The following CSMD1 variants were observed in gnomAD, a reference collection of about 807,000 sequenced individuals.
CSMD1 encodes CUB and sushi domain-containing protein 1.
In CSMD1, 213 loss-of-function variants were observed where a neutral mutation model predicts 417.5. The ratio of observed to expected loss-of-function variants is 0.51; its 90% confidence interval spans 0.46 to 0.57. CSMD1 has a LOEUF of 0.57. Ranked by LOEUF, CSMD1 falls within the 20% of genes least tolerant of loss-of-function variation. The probability of loss-of-function intolerance (pLI) is 0.00; values close to 1 mark genes in which losing one functional copy is unlikely to be tolerated. For missense variants in CSMD1, 6,923 were observed against 4,529.7 expected, an observed-to-expected ratio of 1.53 and a Z score of -15.17; for synonymous variants, 2,862 against 1,736.8, an observed-to-expected ratio of 1.65 and a Z score of -16.11.
chr8:3,846,847 G>C (rs1382699954), intron 5 of CSMD1, among the ~76,000 whole-genome samples: 2 of 151,970 alleles, frequency 1.3e-5, no homozygotes, highest in East Asian at 1.9e-4. Flanking sequence ...CTAATTTTTT[G>C]TATATTTAGT....
At chr8:3,673,918 G>A (rs1345733708) in intron 7 of CSMD1, among the ~76,000 whole-genome samples, 3 of 152,094 alleles carry the variant, frequency 2.0e-5, no homozygotes, top group Admixed American at 6.6e-5. Context: ...AGCAGTTTCA[G>A]ACGAGCCTGG....
At chr8:3,240,065 C>A (rs368997475) in intron 26 of CSMD1, among the ~76,000 whole-genome samples, 3 of 152,092 alleles carry the variant, frequency 2.0e-5, no homozygotes, top group East Asian at 3.9e-4. Context: ...TTAAGGGCCT[C>A]TAAAAGGATT....
chr8:3,903,442 A>T (rs1289110250), intron 5 of CSMD1, among the ~76,000 whole-genome samples: 1 of 152,170 alleles, frequency 6.6e-6, no homozygotes, highest in African/African-American at 2.4e-5. Flanking sequence ...TAACATACAC[A>T]TTATGTAAAA....
intron 41 of CSMD1, among the ~76,000 whole-genome samples, chr8:3,130,387 C>T (rs1817731709): frequency 6.6e-6 from 1 of 152,020 alleles, no homozygotes; most frequent in Non-Finnish European, 1.5e-5. Context: ...AGCCTCCCGC[C>T]CCCAATTCCT....
At chr8:3,932,702 T>C (rs1810236510) in intron 5 of CSMD1, among the ~76,000 whole-genome samples, 1 of 150,640 alleles carries the variant, frequency 6.6e-6, no homozygotes, top group Non-Finnish European at 1.5e-5. Context: ...TAATTCATTG[T>C]GGTGGACTCT....
At chr8:4,221,330 C>A (rs531192866) in intron 3 of CSMD1, among the ~76,000 whole-genome samples, 2 of 145,606 alleles carry the variant, frequency 1.4e-5, no homozygotes, top group South Asian at 2.3e-4. Context: ...TTCTTGCTCA[C>A]AAAATGTTTC....
intron 6 of CSMD1, among the ~76,000 whole-genome samples, chr8:3,729,993 T>G (rs898331756): frequency 1.5e-5 from 2 of 129,720 alleles, no homozygotes. Flanking sequence ...ATAATAATGT[T>G]TCAAAAAGTT....
intron 1 of CSMD1, among the ~76,000 whole-genome samples, chr8:4,911,487 A>G (rs1361893455): frequency 6.6e-6 from 1 of 152,112 alleles, no homozygotes; most frequent in African/African-American, 2.4e-5. Flanking sequence ...GTGTGGGTCT[A>G]TACCTCAATG....
intron 12 of CSMD1, among the ~76,000 whole-genome samples, chr8:3,456,379 C>T (rs1236247599): frequency 6.6e-6 from 1 of 152,126 alleles, no homozygotes; most frequent in Non-Finnish European, 1.5e-5. Context: ...CACCCACCTT[C>T]TGCATCCCTC....
intron 2 of CSMD1, among the ~76,000 whole-genome samples, chr8:4,539,533 G>A (rs1161959760): frequency 6.6e-6 from 1 of 152,158 alleles, no homozygotes; most frequent in South Asian, 2.1e-4. Context: ...TACAGAATGA[G>A]TTAACATATT....
chr8:3,743,892 C>T (rs1224199940), intron 6 of CSMD1, among the ~76,000 whole-genome samples: 1 of 152,192 alleles, frequency 6.6e-6, no homozygotes, highest in Non-Finnish European at 1.5e-5. Flanking sequence ...GATTCCCTGC[C>T]TTTTCCTCTG....
At position 4,850,968 on chromosome 8, in the gene CSMD1, C is replaced by T. The variant is rs1801442698; in HGVS notation, c.85+143364G>A. On this transcript the variant is annotated intron_variant, in intron 1 of 69. Coordinates refer to ENST00000635120, the MANE Select transcript of CSMD1 (RefSeq NM_033225.6). Reference sequence around the variant, plus strand: ...TAATTTCCTTTTTTTAATATATACACTTTGAGTTTTAGGGTACATGTGCAC... The same window carrying T: ...TAATTTCCTTTTTTTAATATATACATTTTGAGTTTTAGGGTACATGTGCAC... Among the ~76,000 whole-genome samples, 4 of 150,388 alleles carry T rather than the reference C, an allele frequency of 2.7e-5. No individual in the cohort carries two copies. The Admixed American group carries it at 2.7e-4, about 10-fold the overall frequency.
intron 49 of CSMD1, among the ~76,000 whole-genome samples, chr8:3,053,948 A>T (rs1812043022): frequency 6.6e-6 from 1 of 152,238 alleles, no homozygotes; most frequent in Admixed American, 6.5e-5. Context: ...TTCTAATGAG[A>T]ATATCTGTGT....
At chr8:3,487,414 G>C (rs1374342434) in intron 11 of CSMD1, among the ~76,000 whole-genome samples, 2 of 152,090 alleles carry the variant, frequency 1.3e-5, no homozygotes, top group Non-Finnish European at 2.9e-5. Context: ...TGTTAGCCAG[G>C]ATGGTCTCGT....
intron 5 of CSMD1, among the ~76,000 whole-genome samples, chr8:3,835,068 A>G (rs553426465): frequency 5.3e-4 from 80 of 151,616 alleles, no homozygotes; most frequent in African/African-American, 1.8e-3. Flanking sequence ...TCAGGAAACA[A>G]CAGGTGCTGG....
chr8:4,811,643 T>A (rs1016234441), intron 1 of CSMD1, among the ~76,000 whole-genome samples: 1 of 152,102 alleles, frequency 6.6e-6, no homozygotes, highest in East Asian at 1.9e-4. Context: ...GGGGCTGTCA[T>A]AACTGGACTT....
At chr8:4,817,727 A>G (rs1329004755) in intron 1 of CSMD1, among the ~76,000 whole-genome samples, 2 of 152,248 alleles carry the variant, frequency 1.3e-5, no homozygotes, top group Non-Finnish European at 2.9e-5. Context: ...TTTTGTTTGT[A>G]GTCGAATTAA....
intron 3 of CSMD1, among the ~76,000 whole-genome samples, chr8:4,277,406 T>C (rs967754260): frequency 6.6e-6 from 1 of 152,152 alleles, no homozygotes; most frequent in Admixed American, 6.6e-5. Flanking sequence ...CCAGCCCCCA[T>C]TTCCCCATCA....
intron 5 of CSMD1, among the ~76,000 whole-genome samples, chr8:3,913,028 G>C (rs542810009): frequency 4.4e-4 from 67 of 152,232 alleles, no homozygotes; most frequent in Admixed American, 7.2e-4. Flanking sequence ...CTAAGGCGTG[G>C]AGAGAATCGT....
Sources: allele counts gnomAD v4.1 joint callset (sites outside exome capture counted in the v4.1 genomes callset), GRCh38; gene constraint gnomAD v4.1.1; transcripts MANE v1.5; gene names NCBI Gene and HGNC (gene_info 2026-07-23, HGNC 2026-07-21).